MINPP1: variants seen among roughly 807,000 people sequenced by gnomAD.
MINPP1 encodes multiple inositol polyphosphate phosphatase 1.
In MINPP1, 28 loss-of-function variants were observed where a neutral mutation model predicts 46.1. That is an observed-to-expected ratio of 0.61 (90% CI 0.45 to 0.83). The LOEUF (loss-of-function observed/expected upper bound fraction) is 0.83, where lower values mean the gene tolerates loss of function less well. Among genes scored for constraint, MINPP1 ranks in the 40% least tolerant of loss-of-function variants. MINPP1 has a pLI of 0.00. For missense variants in MINPP1, 603 were observed against 610.0 expected (o/e 0.99, Z 0.12); for synonymous variants, 268 against 249.1 (o/e 1.08, Z -0.72).
intron 4 of MINPP1, among the ~76,000 whole-genome samples, chr10:87,533,174 T>A (rs567381902): frequency 2.8e-4 from 42 of 152,300 alleles, no homozygotes; most frequent in Non-Finnish European, 4.7e-4. Flanking sequence ...TTGGTTTTTT[T>A]TAATATTAAC....
intron 4 of MINPP1, among the ~76,000 whole-genome samples, chr10:87,540,093 C>T (rs1851792682): frequency 6.6e-6 from 1 of 152,134 alleles, no homozygotes; most frequent in Admixed American, 6.5e-5. Context: ...TAGTCTCAAA[C>T]TCCTGGGCTC....
rs1392931924 is a variant in MINPP1 at position 87,541,895 on chromosome 10, C to CA, written c.1068-10186dup. On this transcript the variant is annotated intron_variant, in intron 4 of 4. Transcript: ENST00000371996. ...CCTCCCCCATGTCCCAGTCTCTTCC[C>CA]ACCAGGCCCTACCTCCAATGTTGGG... 2.6e-5 allele frequency among the ~76,000 whole-genome samples: 4 copies of CA among 152,318 alleles called. No homozygotes were observed. The East Asian group carries it at 7.7e-4, about 29-fold the overall frequency.
chr10:87,526,209 G>A (rs1442001090), intron 4 of MINPP1, among the ~76,000 whole-genome samples: 2 of 152,188 alleles, frequency 1.3e-5, no homozygotes, highest in African/African-American at 4.8e-5. Context: ...TCCAGCACCT[G>A]TTGTTTCCTG....
intron 3 of MINPP1, among the ~76,000 whole-genome samples, chr10:87,519,424 C>A (rs757218326): frequency 6.6e-6 from 1 of 152,162 alleles, no homozygotes; most frequent in Non-Finnish European, 1.5e-5. Context: ...TAAGAGACAG[C>A]GTCACCTTTT....
rs139124355 is a variant in MINPP1, at chr10:87,505,103, G to A, written c.188G>A (p.Gly63Asp). 7.4e-6 allele frequency: 12 copies of A among 1,613,342 alleles called. No individual in the cohort carries two copies. Among genetic ancestry groups the A allele is most frequent in the Non-Finnish European group, 1.0e-5 (12 of 1,179,866 alleles). Residue 63 changes from glycine to aspartate, a missense_variant, in exon 1 of 5, where the codon GGC (glycine) becomes GAC (aspartate). Gly to Asp is a moderately conservative substitution (Grantham distance 94). Coordinates refer to ENST00000371996, the MANE Select transcript of MINPP1 (RefSeq NM_004897.5). The surrounding 1 kb of genome is among the most constrained non-coding windows in gnomAD (Gnocchi z 4.4). ...YEDVNPVLLS[G>D]PEAPWRDPEL... ...GATGTCAACCCCGTGCTATTGTCGGGCCCCGAGGCTCCGTGGCGGGACCCT... is the reference window on the plus strand; with the variant it reads ...GATGTCAACCCCGTGCTATTGTCGGACCCCGAGGCTCCGTGGCGGGACCCT...
chr10:87,522,631 T>C (rs1851519212), intron 4 of MINPP1, among the ~76,000 whole-genome samples: 1 of 152,216 alleles, frequency 6.6e-6, no homozygotes, highest in Non-Finnish European at 1.5e-5. Flanking sequence ...GAAATGCCCA[T>C]GATCATCTGA....
intron 3 of MINPP1, among the ~76,000 whole-genome samples, chr10:87,520,156 C>T (rs1851479694): frequency 6.7e-6 from 1 of 148,506 alleles, no homozygotes; most frequent in African/African-American, 2.5e-5. Flanking sequence ...GAGATTTTTC[C>T]ATGTCAGTAC....
intron 1 of MINPP1, among the ~76,000 whole-genome samples, chr10:87,507,090 C>G (rs1308042794): frequency 2.0e-5 from 3 of 152,180 alleles, no homozygotes; most frequent in Non-Finnish European, 1.5e-5. Context: ...GCATTTGACT[C>G]TCAGTACAGA....
chr10:87,511,823 A>G (rs1851338631), intron 2 of MINPP1, among the ~76,000 whole-genome samples: 1 of 152,174 alleles, frequency 6.6e-6, no homozygotes, highest in South Asian at 2.1e-4. Context: ...AGGTCCTTTC[A>G]TCAAATGTAC....
At chr10:87,515,024 T>C (rs75413851) in intron 3 of MINPP1, among the ~76,000 whole-genome samples, 5,984 of 152,006 alleles carry the variant, frequency 0.039, 576 homozygotes, top group East Asian at 0.31. Flanking sequence ...CCAGTGATGT[T>C]TGATCATTAG....
chr10:87,552,262 A>G lies in MINPP1; in HGVS notation c.1248A>G (p.Ile416Met). The G allele has an allele frequency of 6.2e-7, 1 of 1,613,884 alleles. No homozygotes were observed. The highest frequency in any genetic ancestry group is 1.1e-5 in the South Asian group (1 of 91,076). ...GLIVPYASNLIFVLYHCENAK... is the reference protein window; with the variant it reads ...GLIVPYASNLMFVLYHCENAK... The stretch of plus-strand genomic sequence containing the variant: ...TTGTACCTTATGCCTCGAACCTGAT[A>G]TTTGTGCTTTACCACTGTGAAAATG... Residue 416 changes from isoleucine (I) to methionine (M), a missense_variant, in exon 5 of 5, where the codon ATA becomes ATG. Coordinates refer to ENST00000371996, the MANE Select transcript of MINPP1 (RefSeq NM_004897.5).
Position 87,552,062 on chromosome 10 carries a change from C to A in MINPP1, c.1068-20C>A, listed in dbSNP as rs377718268. The stretch of plus-strand genomic sequence containing the variant: ...GACATTAATATATATACCTTATTTT[C>A]TCTTAATTTCTATTTGAAGGTCTCA... On this transcript the variant is annotated intron_variant, in intron 4 of 4. Transcript: ENST00000371996. 15 of 1,591,868 alleles carry A rather than the reference C, an allele frequency of 9.4e-6. No individual in the cohort carries two copies. Among genetic ancestry groups the A allele is most frequent in the Non-Finnish European group, 1.3e-5 (15 of 1,163,970 alleles).
At chr10:87,532,418 T>C (rs1474403916) in intron 4 of MINPP1, among the ~76,000 whole-genome samples, 1 of 152,230 alleles carries the variant, frequency 6.6e-6, no homozygotes, top group Non-Finnish European at 1.5e-5. Flanking sequence ...TTATGTAAGA[T>C]TGTGAAACAA....
intron 4 of MINPP1, among the ~76,000 whole-genome samples, chr10:87,547,757 C>T (rs1333265810): frequency 2.0e-5 from 3 of 152,162 alleles, no homozygotes; most frequent in African/African-American, 7.2e-5. Context: ...ACTCAGCACA[C>T]CACTAATTTG....
chr10:87,507,115 T>TA (rs770097466), intron 1 of MINPP1, among the ~76,000 whole-genome samples: 8 of 152,176 alleles, frequency 5.3e-5, no homozygotes, highest in Non-Finnish European at 8.8e-5. Flanking sequence ...GGGATGAAAA[T>TA]ACTACAGTTC....
rs1254020658 is a variant in MINPP1 at position 87,552,277 on chromosome 10, CT to C, written c.1264del (p.Cys422ValfsTer17). On this transcript the variant is annotated frameshift_variant, in exon 5 of 5. Coordinates refer to ENST00000371996, the MANE Select transcript of MINPP1 (RefSeq NM_004897.5). LOFTEE classifies it high-confidence loss of function. ...ASNLIFVLYH[C>X]ENAKTPKEQF... is the part of the protein sequence containing the mutation. ...CGAACCTGATATTTGTGCTTTACCACTGTGAAAATGCTAAGACTCCTAAAGA... is the reference window on the plus strand; with the variant it reads ...CGAACCTGATATTTGTGCTTTACCACGTGAAAATGCTAAGACTCCTAAAGA... The C allele has an allele frequency of 6.2e-7, 1 of 1,613,816 alleles. No homozygotes were observed. Among genetic ancestry groups the C allele is most frequent in the Non-Finnish European group, 8.5e-7 (1 of 1,179,808 alleles).
At chr10:87,551,080 G>A (rs1024783691) in intron 4 of MINPP1, among the ~76,000 whole-genome samples, 1 of 152,046 alleles carries the variant, frequency 6.6e-6, no homozygotes, top group East Asian at 1.9e-4. Flanking sequence ...TCTAGTGCTT[G>A]AGGTTGGATG....
chr10:87,550,922 C>G (rs943474719), intron 4 of MINPP1, among the ~76,000 whole-genome samples: 12 of 152,030 alleles, frequency 7.9e-5, no homozygotes, highest in African/African-American at 2.9e-4. Flanking sequence ...CTGGAGAGGA[C>G]TAAATACTTC....
intron 4 of MINPP1, among the ~76,000 whole-genome samples, chr10:87,524,678 C>A (rs1851549097): frequency 6.6e-6 from 1 of 152,054 alleles, no homozygotes; most frequent in Non-Finnish European, 1.5e-5. Flanking sequence ...CACTTAGAGG[C>A]CATTGTAGGA....
Sources: allele counts gnomAD v4.1 joint callset (sites outside exome capture counted in the v4.1 genomes callset), GRCh38; gene constraint gnomAD v4.1.1; non-coding constraint Gnocchi (gnomAD v3.1); transcripts MANE v1.5; gene names NCBI Gene and HGNC (gene_info 2026-07-23, HGNC 2026-07-21).